ARHGAP11A: variants seen among roughly 807,000 people sequenced by gnomAD.
ARHGAP11A encodes the protein rho GTPase-activating protein 11A.
ARHGAP11A carries 36 observed loss-of-function variants against 60.5 expected under a neutral mutation model. That is an observed-to-expected ratio of 0.59 (90% CI 0.46 to 0.79). The LOEUF is 0.79. ARHGAP11A is among the 30% of genes least tolerant of loss of function. The pLI is 0.00. For synonymous variants in ARHGAP11A, 362 were observed against 415.5 expected (o/e 0.87, Z 1.57); for missense variants, 1,071 against 1,199.2 (o/e 0.89, Z 1.58).
At position 32,639,590 on chromosome 15, in the gene ARHGAP11A, T is replaced by A. The variant is rs2053802334; in HGVS notation, c.*1745T>A. The A allele has an allele frequency of 6.6e-6, 1 of 152,118 alleles. No homozygotes were observed. Among genetic ancestry groups the A allele is most frequent in the South Asian group, 2.1e-4 (1 of 4,830 alleles). 9.4% of individuals were successfully genotyped at this position (152,118 alleles called of 1,614,324 possible). ...CTAATTCAGTAAGAAGTCCTAGGGGTTTAACTGTACATACTACCTGAACTG... is the reference window on the plus strand; with the variant it reads ...CTAATTCAGTAAGAAGTCCTAGGGGATTAACTGTACATACTACCTGAACTG... On this transcript the variant is annotated 3_prime_UTR_variant, in exon 12 of 12. Transcript: ENST00000361627.
rs749242605 is a variant in ARHGAP11A at position 32,616,275 on chromosome 15, A to G, written c.64A>G (p.Lys22Glu). 5 of 1,613,938 alleles carry G rather than the reference A, an allele frequency of 3.1e-6. No homozygotes were observed. ...GCATCTGCGGGCCTTCTATGGTATT[A>G]AGGTGAAGGGTGTCCGTGGGCAGTG... ...LQHLRAFYGIKVKGVRGQCDR... is the reference protein window; with the variant it reads ...LQHLRAFYGIEVKGVRGQCDR... The change falls in exon 1 of 12, where the codon AAG becomes GAG. Residue 22 changes from lysine to glutamate, a missense_variant. Physicochemically the swap from Lys to Glu is moderately conservative, Grantham distance 56 (BLOSUM62 1). This residue lies in a region of ARHGAP11A where 28 missense variants were observed against 24.5 expected (regional missense o/e 1.14). Transcript: ENST00000361627.
intron 6 of ARHGAP11A, among the ~76,000 whole-genome samples, chr15:32,628,186 G>T (rs918027192): frequency 2.6e-5 from 4 of 152,188 alleles, no homozygotes; most frequent in African/African-American, 9.7e-5. Context: ...ATTGGTAATA[G>T]GGATATTTAT....
Position 32,635,799 on chromosome 15 carries a change from G to A in ARHGAP11A, c.1367G>A (p.Arg456Lys). Residue 456 changes from arginine to lysine, a missense_variant, in exon 11 of 12, where the codon AGA (arginine) becomes AAA (lysine). By Grantham distance (26) the Arg-to-Lys change is conservative (BLOSUM62 2). Around this residue, in one of 4 missense-constraint regions of ARHGAP11A, gnomAD observed 776 missense variants for 760.2 expected, o/e 1.02. Transcript: ENST00000361627. ...REVNGCSGVN[R>K]YESVGWRLAN... The stretch of plus-strand genomic sequence containing the variant: ...CAGAATGGATGTTCTGGTGTCAATA[G>A]ATATGAAAGTGTTGGTTGGCGACTT... 1 of 1,608,038 alleles carries A rather than the reference G, an allele frequency of 6.2e-7. No homozygotes were observed. Among genetic ancestry groups the A allele is most frequent in the South Asian group, 1.1e-5 (1 of 89,860 alleles).
At chr15:32,617,761 T>A (rs1011984248) in intron 1 of ARHGAP11A, among the ~76,000 whole-genome samples, 9 of 152,156 alleles carry the variant, frequency 5.9e-5, no homozygotes, top group African/African-American at 2.2e-4. Context: ...CGTGAGCCAC[T>A]GCACTCGGCC....
chr15:32,624,559 A>C (rs2053413948), intron 4 of ARHGAP11A, 133 bp downstream of exon 4: 2 of 1,438,538 alleles, frequency 1.4e-6, no homozygotes, highest in Admixed American at 2.6e-5. Context: ...TACTATGAGG[A>C]GTATACTCCA....
chr15:32,624,416 G>A lies in ARHGAP11A; in HGVS notation c.541G>A (p.Val181Ile). 6.2e-7 allele frequency: 1 copy of A among 1,607,886 alleles called. No individual in the cohort carries two copies. The highest frequency in any genetic ancestry group is 8.5e-7 in the Non-Finnish European group (1 of 1,178,414). Residue 181 changes from valine to isoleucine, a missense_variant, in exon 4 of 12, where the codon GTT (valine) becomes ATT (isoleucine). Around this residue, in one of 4 missense-constraint regions of ARHGAP11A, gnomAD observed 196 missense variants for 272.1 expected, o/e 0.72. Coordinates refer to ENST00000361627, the MANE Select transcript of ARHGAP11A (RefSeq NM_014783.6). ...ATACTTCTTTAACTTTCTCAGGAAT[G>A]TTTCTCTTAGGTAAGTGGTAATTAA... is the stretch of plus-strand genomic sequence containing the variant. ...LRYFFNFLRN[V>I]SLRSSENKMD...
rs555001680 is a variant in ARHGAP11A, at chr15:32,624,280, T to C, written c.405T>C (p.Ala135=). 1.2e-6 allele frequency: 2 copies of C among 1,613,774 alleles called. No individual in the cohort carries two copies. Among genetic ancestry groups the C allele is most frequent in the African/African-American group, 2.7e-5 (2 of 74,962 alleles). Residue 135 remains alanine, a synonymous_variant, in exon 4 of 12, where the codon GCT becomes GCC. Transcript: ENST00000361627. The part of the protein sequence containing the change: ...FRELPEPILP[A]DLHEALLKAQ... ...AACTGCCAGAGCCCATTCTCCCAGC[T>C]GATTTGCATGAAGCACTTTTGAAAG...
At chr15:32,633,572 T>C (rs1241897135) in intron 9 of ARHGAP11A, among the ~76,000 whole-genome samples, 2 of 152,010 alleles carry the variant, frequency 1.3e-5, no homozygotes, top group Non-Finnish European at 2.9e-5. Context: ...AGCCCAGGGA[T>C]GTCAAGGCTA....
At chr15:32,633,183 TTCTG>T in intron 9 of ARHGAP11A, 75 bp downstream of exon 9, 1 of 1,520,708 alleles carries the variant, frequency 6.6e-7, no homozygotes, top group Non-Finnish European at 9.0e-7. Context: ...TGTTTTGTCT[TTCTG>T]TCAAGCATCA....
intron 9 of ARHGAP11A, 66 bp downstream of exon 9, chr15:32,633,174 G>GT: frequency 6.5e-7 from 1 of 1,548,906 alleles, no homozygotes; most frequent in South Asian, 1.2e-5. Context: ...TTAATAAAAT[G>GT]TTTTGTCTTT....
In ARHGAP11A at chr15:32,623,509, G is replaced by A. The variant is rs2053386244; in HGVS notation, c.218G>A (p.Cys73Tyr). ...TCTTTCAGCTTTCTTGTCGATGCTT[G>A]CACATCTTTAGAAGACCATATTCAT... ...GHIPSFLVDA[C>Y]TSLEDHIHTE... is the part of the protein sequence containing the mutation. Residue 73 changes from cysteine to tyrosine, a missense_variant, in exon 3 of 12, where the codon TGC (cysteine) becomes TAC (tyrosine). Physicochemically the swap from Cys to Tyr is radical, Grantham distance 194. Transcript: ENST00000361627. 3 of 1,612,958 alleles carry A rather than the reference G, an allele frequency of 1.9e-6. No individual in the cohort carries two copies. The highest frequency in any genetic ancestry group is 2.5e-6 in the Non-Finnish European group (3 of 1,179,764).
At chr15:32,620,542 T>C (rs1032824042) in intron 2 of ARHGAP11A, among the ~76,000 whole-genome samples, 9 of 151,776 alleles carry the variant, frequency 5.9e-5, no homozygotes, top group Non-Finnish European at 1.0e-4. Flanking sequence ...ATTTAATCTC[T>C]CATAATGTTA....
intron 1 of ARHGAP11A, among the ~76,000 whole-genome samples, chr15:32,617,637 A>G (rs1307464851): frequency 6.6e-6 from 1 of 151,798 alleles, no homozygotes; most frequent in African/African-American, 2.4e-5. Context: ...ACACCTGGCT[A>G]ATTTTTTGTA....
Position 32,616,158 on chromosome 15 carries a change from C to T in ARHGAP11A, c.-54C>T, listed in dbSNP as rs2053134482. On this transcript the variant is annotated 5_prime_UTR_variant, in exon 1 of 12. Coordinates refer to ENST00000361627, the MANE Select transcript of ARHGAP11A (RefSeq NM_014783.6). The stretch of plus-strand genomic sequence containing the variant: ...GTTTGGAAATTGGAAGACTTGGTGG[C>T]GAACGAGGGTCAGGACCTGCATCCT... The T allele has an allele frequency of 1.3e-6, 2 of 1,564,506 alleles. No individual in the cohort carries two copies. The highest frequency in any genetic ancestry group is 8.7e-7 in the Non-Finnish European group (1 of 1,154,666).
In ARHGAP11A at chr15:32,636,256, G is replaced by C. The variant is rs781736910; in HGVS notation, c.1484-1G>C. The stretch of plus-strand genomic sequence containing the variant: ...TTAAGCACTGAACTGCTTTATTTTA[G>C]GTTCAGAAAAGATCAGTAAGTCTGA... On this transcript the variant is annotated splice_acceptor_variant, in intron 11 of 11. Transcript: ENST00000361627. LOFTEE classifies it high-confidence loss of function. The C allele has an allele frequency of 3.8e-6, 6 of 1,582,774 alleles. No homozygotes were observed. The highest frequency in any genetic ancestry group is 5.1e-6 in the Non-Finnish European group (6 of 1,168,594).
At chr15:32,619,887 A>G (rs1456214581) in intron 1 of ARHGAP11A, among the ~76,000 whole-genome samples, 1 of 152,160 alleles carries the variant, frequency 6.6e-6, no homozygotes, top group Non-Finnish European at 1.5e-5. Flanking sequence ...GAATGACATT[A>G]TCTTGGCCAT....
At chr15:32,632,552 C>T (rs924785535) in intron 8 of ARHGAP11A, among the ~76,000 whole-genome samples, 4 of 152,074 alleles carry the variant, frequency 2.6e-5, no homozygotes, top group Non-Finnish European at 4.4e-5. Context: ...GTATTATGTA[C>T]TAGATACTGA....
rs2053264580 is a variant in ARHGAP11A at position 32,620,301 on chromosome 15, A to G, written c.200+123A>G. The G allele has an allele frequency of 3.9e-6, 6 of 1,548,776 alleles. No homozygotes were observed. The African/African-American group carries it at 5.6e-5, about 14-fold the overall frequency. ...GGAGCTTAAGACCAGCCTGGGCAAC[A>G]TGGTGAGACCTTGTCGCAAAAGATA... On this transcript the variant is annotated intron_variant, in intron 2 of 11. Coordinates refer to ENST00000361627, the MANE Select transcript of ARHGAP11A (RefSeq NM_014783.6).
At chr15:32,622,756 C>G (rs1462031784) in intron 2 of ARHGAP11A, among the ~76,000 whole-genome samples, 1 of 151,766 alleles carries the variant, frequency 6.6e-6, no homozygotes, top group Non-Finnish European at 1.5e-5. Flanking sequence ...CTTGTAAGGA[C>G]TGGGATATAT....
Sources: gnomAD v4.1 joint callset for allele counts (sites outside exome capture counted in the v4.1 genomes callset) on GRCh38, gnomAD v4.1.1 for gene constraint, gnomAD v4.1.1 regional missense constraint, MANE v1.5 for transcripts, NCBI Gene and HGNC (gene_info 2026-07-23, HGNC 2026-07-21) for gene names.